INSC: variants seen among roughly 807,000 people sequenced by gnomAD.
The protein encoded by INSC is protein inscuteable homolog.
In INSC, 67 loss-of-function variants were observed where a neutral mutation model predicts 58.6. That is an observed-to-expected ratio of 1.14 (90% CI 0.94 to 1.40). The LOEUF (loss-of-function observed/expected upper bound fraction) is 1.40, where lower values mean the gene tolerates loss of function less well. Among genes scored for constraint, INSC ranks in the 40% most tolerant of loss-of-function variants. INSC has a pLI of 0.00. For missense variants in INSC, 714 were observed against 692.0 expected (o/e 1.03, Z -0.36); for synonymous variants, 262 against 276.1 (o/e 0.95, Z 0.51).
At chr11:15,228,157 A>C (rs919874301) in intron 9 of INSC, among the ~76,000 whole-genome samples, 1 of 152,246 alleles carries the variant, frequency 6.6e-6, no homozygotes. Context: ...ATGTTATTAC[A>C]ATTGGCCTTT....
the INSC span, among the ~76,000 whole-genome samples, chr11:15,260,169 T>G: frequency 6.6e-6 from 1 of 151,122 alleles, no homozygotes; most frequent in African/African-American, 2.5e-5. Flanking sequence ...CTCACTCTGT[T>G]TTTTGTTTTT....
intron 5 of INSC, among the ~76,000 whole-genome samples, chr11:15,182,346 C>G (rs1307320683): frequency 6.6e-6 from 1 of 152,064 alleles, no homozygotes; most frequent in Non-Finnish European, 1.5e-5. Context: ...TTGGTTGCAG[C>G]CTTGGTAGGA....
At chr11:15,164,142 T>A (rs1590383801) in intron 2 of INSC, among the ~76,000 whole-genome samples, 1 of 54,228 alleles carries the variant, frequency 1.8e-5, no homozygotes, top group Non-Finnish European at 3.6e-5. Flanking sequence ...TAAGAGTACA[T>A]TTTTTTTCTG....
chr11:15,132,827 G>A (rs796615467), intron 1 of INSC, among the ~76,000 whole-genome samples: 17 of 152,186 alleles, frequency 1.1e-4, no homozygotes, highest in African/African-American at 4.1e-4. Flanking sequence ...TTATTTTCTG[G>A]CATAATATAT....
At chr11:15,195,009 C>T (rs571181552) in intron 6 of INSC, among the ~76,000 whole-genome samples, 33 of 152,256 alleles carry the variant, frequency 2.2e-4, no homozygotes, top group Non-Finnish European at 3.8e-4. Context: ...TACTGTGCTG[C>T]GTGGGTTGAG....
At chr11:15,114,101 C>G (rs1272823789), upstream of INSC, among the ~76,000 whole-genome samples, 2 of 151,532 alleles carry the variant, frequency 1.3e-5, no homozygotes, top group East Asian at 3.9e-4. Context: ...GCTCTGGGAG[C>G]CTCATAGCAA....
At chr11:15,226,330 T>A (rs1221768502) in intron 9 of INSC, among the ~76,000 whole-genome samples, 1 of 152,194 alleles carries the variant, frequency 6.6e-6, no homozygotes, top group Non-Finnish European at 1.5e-5. Flanking sequence ...AGAACCTTCA[T>A]TCAGGGCCTC....
At chr11:15,216,855 T>G (rs1234982568) in intron 7 of INSC, among the ~76,000 whole-genome samples, 1 of 152,078 alleles carries the variant, frequency 6.6e-6, no homozygotes, top group East Asian at 1.9e-4. Context: ...GGGCCCCAAG[T>G]CTAGGAGCCA....
chr11:15,122,198 A>G (rs1285765784), intron 1 of INSC, among the ~76,000 whole-genome samples: 1 of 152,224 alleles, frequency 6.6e-6, no homozygotes, highest in Non-Finnish European at 1.5e-5. Context: ...AAAAACCCCA[A>G]AGACTGTGAT....
chr11:15,150,813 C>G (rs150486518), intron 2 of INSC, among the ~76,000 whole-genome samples: 27 of 152,278 alleles, frequency 1.8e-4, no homozygotes, highest in African/African-American at 6.3e-4. Context: ...GAACAAAACT[C>G]TACTCTTGGA....
At chr11:15,202,782 A>T (rs1347232097) in intron 7 of INSC, among the ~76,000 whole-genome samples, 1 of 152,240 alleles carries the variant, frequency 6.6e-6, no homozygotes, top group Non-Finnish European at 1.5e-5. Flanking sequence ...GAAAAACAAC[A>T]GGGCTTTTCG....
chr11:15,200,886 C>A lies in INSC; in HGVS notation c.756C>A (p.Pro252=). The A allele has an allele frequency of 6.2e-7, 1 of 1,613,856 alleles. No individual in the cohort carries two copies. Among genetic ancestry groups the A allele is most frequent in the East Asian group, 2.2e-5 (1 of 44,824 alleles). The change falls in exon 7 of 13, where the codon CCC becomes CCA. Residue 252 remains proline, a synonymous_variant. Coordinates refer to ENST00000379556, the MANE Select transcript of INSC (RefSeq NM_001042536.3). ...AGGACAGTTTCCGGTGCTTGTACCC[C>A]CAGGCGCTCCGCACGCTGGCCTCCA... is the stretch of plus-strand genomic sequence containing the variant. ...CRQDSFRCLY[P]QALRTLASIC...
upstream of INSC, among the ~76,000 whole-genome samples, chr11:15,111,453 T>C (rs1269630983): frequency 6.6e-6 from 1 of 152,168 alleles, no homozygotes; most frequent in East Asian, 1.9e-4. Context: ...AGCTGGTGGA[T>C]CTGGGATAGG....
intron 2 of INSC, among the ~76,000 whole-genome samples, chr11:15,162,638 T>C (rs990442845): frequency 6.6e-6 from 1 of 152,218 alleles, no homozygotes; most frequent in Non-Finnish European, 1.5e-5. Flanking sequence ...GGCTGGAATG[T>C]TCGTTCGTTT....
At chr11:15,192,232 C>T (rs1850205323) in intron 6 of INSC, among the ~76,000 whole-genome samples, 1 of 152,214 alleles carries the variant, frequency 6.6e-6, no homozygotes, top group African/African-American at 2.4e-5. Context: ...TGGCCATGGG[C>T]TGGGGTGGTT....
chr11:15,121,180 G>A lies in INSC; in HGVS notation c.-46+6177G>A, dbSNP rs116762210. Among the ~76,000 whole-genome samples the A allele has an allele frequency of 7.7e-3, 1,178 of 152,148 alleles. 15 individuals carry two copies. The highest frequency in any genetic ancestry group is 0.027 in the African/African-American group (1,126 of 41,504). ...AAAAAGGATAATCTCTTACCACAGT[G>A]CAATTCGGTCCTAATAATGTCTTTA... On this transcript the variant is annotated intron_variant, in intron 1 of 12. Coordinates refer to ENST00000379556, the MANE Select transcript of INSC (RefSeq NM_001042536.3).
chr11:15,238,876 C>T (rs1257508104), intron 10 of INSC, 43 bp from the exon 11 acceptor site: 1 of 1,590,466 alleles, frequency 6.3e-7, no homozygotes, highest in Non-Finnish European at 8.6e-7. Flanking sequence ...GGGGAAGGCT[C>T]CATGCTGGGG....
At chr11:15,151,991 T>C (rs1316794107) in intron 2 of INSC, among the ~76,000 whole-genome samples, 1 of 152,182 alleles carries the variant, frequency 6.6e-6, no homozygotes, top group Non-Finnish European at 1.5e-5. Flanking sequence ...CACAACAAAG[T>C]TGGCTTATGG....
At chr11:15,143,445 G>A (rs935820112) in intron 1 of INSC, among the ~76,000 whole-genome samples, 4 of 152,144 alleles carry the variant, frequency 2.6e-5, no homozygotes, top group Non-Finnish European at 5.9e-5. Context: ...GGCGTGGCTT[G>A]CTGCAGGGAT....
Sources: gnomAD v4.1 joint callset for allele counts (sites outside exome capture counted in the v4.1 genomes callset) on GRCh38, gnomAD v4.1.1 for gene constraint, MANE v1.5 for transcripts, NCBI Gene and HGNC (gene_info 2026-07-23, HGNC 2026-07-21) for gene names.